GPC5: variants seen among roughly 807,000 people sequenced by gnomAD.
GPC5 encodes the protein glypican 5.
A neutral mutation model predicts 53.9 loss-of-function variants in GPC5; 47 were observed. The ratio of observed to expected loss-of-function variants is 0.87; its 90% CI spans 0.69 to 1.11. The LOEUF (loss-of-function observed/expected upper bound fraction) is 1.11. Among genes scored for constraint, GPC5 ranks in the 50% most tolerant of loss-of-function variants. GPC5 has a pLI of 0.00. For synonymous variants in GPC5, 286 were observed against 263.3 expected, an observed-to-expected ratio of 1.09 and a Z score of -0.84; for missense variants, 748 against 713.1, an observed-to-expected ratio of 1.05 and a Z score of -0.56.
chr13:91,416,738 G>A (rs9556085), intron 1 of GPC5, among the ~76,000 whole-genome samples: 73,898 of 151,840 alleles, frequency 0.49, 19,047 homozygotes, highest in Middle Eastern at 0.63. Flanking sequence ...TGCTGAGAAC[G>A]ATGGTTTCCA....
chr13:91,505,650 C>A (rs905999546), intron 2 of GPC5, among the ~76,000 whole-genome samples: 4 of 152,210 alleles, frequency 2.6e-5, no homozygotes, highest in Admixed American at 2.6e-4. Flanking sequence ...CTATTTTTAT[C>A]TTCCAACATT....
intron 2 of GPC5, among the ~76,000 whole-genome samples, chr13:91,517,944 C>T (rs542887651): frequency 5.8e-4 from 88 of 152,240 alleles, no homozygotes; most frequent in African/African-American, 1.9e-3. Context: ...TTACCTCCCC[C>T]GGGCCCCTCC....
chr13:92,663,713 ATATATATCTACTAAATATATCTAC>A (rs1325179418), intron 7 of GPC5, among the ~76,000 whole-genome samples: 8 of 129,036 alleles, frequency 6.2e-5, no homozygotes, highest in South Asian at 5.5e-4. Flanking sequence ...TATATCTACT[ATATATATCTACTAAATATATCTAC>A]TATATATATC....
chr13:92,069,720 C>T (rs1471098659), intron 6 of GPC5, among the ~76,000 whole-genome samples: 1 of 152,078 alleles, frequency 6.6e-6, no homozygotes, highest in Non-Finnish European at 1.5e-5. Context: ...AAGATCATGA[C>T]TATCAAATTA....
chr13:92,278,739 T>C (rs2042893097), intron 7 of GPC5, among the ~76,000 whole-genome samples: 1 of 152,122 alleles, frequency 6.6e-6, no homozygotes, highest in Admixed American at 6.5e-5. Flanking sequence ...CTTTATTCTT[T>C]AGAATATGTT....
Position 91,505,654 on chromosome 13 carries a change from C to T in GPC5, c.325+56732C>T, listed in dbSNP as rs145369178. On this transcript the variant is annotated intron_variant, in intron 2 of 7. Coordinates refer to ENST00000377067, the MANE Select transcript of GPC5 (RefSeq NM_004466.6). ...ACTCTTCCATGCTATTTTTATCTTC[C>T]AACATTTTGTTAATGATTCCTAACT... Among the ~76,000 whole-genome samples, 368 of 152,294 alleles carry T rather than the reference C, an allele frequency of 2.4e-3. 1 individual carries two copies. The highest frequency in any genetic ancestry group is 8.6e-3 in the African/African-American group (356 of 41,566).
In GPC5 at chr13:91,448,746, T is replaced by C. The variant is rs779425624; in HGVS notation, c.164-15T>C. 4 of 1,608,278 alleles carry C rather than the reference T, an allele frequency of 2.5e-6. No individual in the cohort carries two copies. Among genetic ancestry groups the C allele is most frequent in the Admixed American group, 1.7e-5 (1 of 58,660 alleles). ...ATGAACAGGTAATCATTCTGAAAAA[T>C]GTTGTGTGTTCCAGGACCTGATCTT... On this transcript the variant is annotated splice_polypyrimidine_tract_variant and intron_variant, in intron 1 of 7. Transcript: ENST00000377067.
At chr13:91,980,194 A>T (rs1051034862) in intron 6 of GPC5, among the ~76,000 whole-genome samples, 2 of 152,236 alleles carry the variant, frequency 1.3e-5, no homozygotes, top group African/African-American at 4.8e-5. Flanking sequence ...TGTGCATTTA[A>T]AAGTATTGCA....
chr13:92,513,092 G>A (rs748994781), intron 7 of GPC5, among the ~76,000 whole-genome samples: 9 of 152,180 alleles, frequency 5.9e-5, no homozygotes, highest in Non-Finnish European at 1.2e-4. Context: ...AAAGGTCACC[G>A]GCGGAAGGCC....
At chr13:92,694,757 G>A (rs1194747707) in intron 7 of GPC5, among the ~76,000 whole-genome samples, 2 of 152,108 alleles carry the variant, frequency 1.3e-5, no homozygotes, top group Non-Finnish European at 1.5e-5. Context: ...AAAACTTTGG[G>A]GGATTCTTGG....
At chr13:91,519,506 A>G (rs1885689663) in intron 2 of GPC5, among the ~76,000 whole-genome samples, 1 of 152,160 alleles carries the variant, frequency 6.6e-6, no homozygotes, top group Non-Finnish European at 1.5e-5. Flanking sequence ...TTAAAAGTAT[A>G]TAACACTCCC....
At chr13:91,852,646 TG>T (rs1158716265) in intron 5 of GPC5, among the ~76,000 whole-genome samples, 2 of 152,128 alleles carry the variant, frequency 1.3e-5, no homozygotes, top group African/African-American at 2.4e-5. Flanking sequence ...TGCATTTTCT[TG>T]GGAGTATGTC....
At position 91,950,266 on chromosome 13, in the gene GPC5, G is replaced by GTTTTT. The variant is rs35957614; in HGVS notation, c.1401+42224_1401+42228dup. 2.3e-3 allele frequency among the ~76,000 whole-genome samples: 279 copies of GTTTTT among 122,630 alleles called. 6 individuals carry two copies. The highest frequency in any genetic ancestry group is 8.4e-3 in the African/African-American group (273 of 32,654). 80.5% of individuals were successfully genotyped at this position (122,630 alleles called of 152,430 possible). ...CCCTGAATTTTACTAAAACTGCCAA[G>GTTTTT]TTTTTTTTTTTTTTTTTTTCATGAA... On this transcript the variant is annotated intron_variant, in intron 6 of 7. Coordinates refer to ENST00000377067, the MANE Select transcript of GPC5 (RefSeq NM_004466.6).
chr13:91,707,356 G>A (rs1410903191), intron 3 of GPC5, among the ~76,000 whole-genome samples: 1 of 152,146 alleles, frequency 6.6e-6, no homozygotes, highest in Non-Finnish European at 1.5e-5. Flanking sequence ...GGACATGATA[G>A]CTCAGCCTGT....
intron 7 of GPC5, among the ~76,000 whole-genome samples, chr13:92,696,368 G>T (rs1157664506): frequency 6.6e-6 from 1 of 152,270 alleles, no homozygotes; most frequent in Middle Eastern, 3.4e-3. Context: ...GTTGTTTCCT[G>T]ACTTTTTAAT....
rs571330930 is a variant in GPC5, at chr13:91,760,119, C to CA, written c.1280+3707dup. On this transcript the variant is annotated intron_variant, in intron 5 of 7. Coordinates refer to ENST00000377067, the MANE Select transcript of GPC5 (RefSeq NM_004466.6). ...ATTGTTTTTTATGTTTTATAATTCT[C>CA]AAAAAAAAGTAAAAATTAACGTTGT... Among the ~76,000 whole-genome samples, 11 of 151,178 alleles carry CA rather than the reference C, an allele frequency of 7.3e-5. No homozygotes were observed. In the East Asian group the frequency reaches 7.7e-4, roughly 11 times the overall value.
intron 7 of GPC5, among the ~76,000 whole-genome samples, chr13:92,251,360 C>T (rs923001445): frequency 6.6e-6 from 1 of 151,938 alleles, no homozygotes; most frequent in Non-Finnish European, 1.5e-5. Flanking sequence ...TAAGGTGGCT[C>T]CACGTAAATC....
intron 7 of GPC5, among the ~76,000 whole-genome samples, chr13:92,357,624 T>C (rs1292346570): frequency 6.6e-6 from 1 of 151,544 alleles, no homozygotes; most frequent in Admixed American, 6.6e-5. Flanking sequence ...CTTAATTAGC[T>C]CATGGTTCTG....
At chr13:92,139,937 G>C (rs1256451034) in intron 6 of GPC5, among the ~76,000 whole-genome samples, 2 of 152,134 alleles carry the variant, frequency 1.3e-5, no homozygotes, top group Admixed American at 1.3e-4. Flanking sequence ...AAGTACTCTA[G>C]TCATGATGGA....
Sources: allele counts gnomAD v4.1 joint callset (sites outside exome capture counted in the v4.1 genomes callset), GRCh38; gene constraint gnomAD v4.1.1; transcripts MANE v1.5; gene names NCBI Gene and HGNC (gene_info 2026-07-23, HGNC 2026-07-21).